SLC24A4: variants seen among roughly 807,000 people sequenced by gnomAD.
SLC24A4 encodes solute carrier family 24 member 4.
In SLC24A4, 53 loss-of-function variants were observed where a neutral mutation model predicts 79.0. The ratio of observed to expected loss-of-function variants is 0.67; its 90% confidence interval spans 0.54 to 0.84. The LOEUF is 0.84. SLC24A4 is among the 40% of genes least tolerant of loss of function. SLC24A4 has a pLI of 0.00. For missense variants in SLC24A4, 731 were observed against 822.0 expected, an observed-to-expected ratio of 0.89 and a Z score of 1.35; for synonymous variants, 323 against 323.8, an observed-to-expected ratio of 1.00 and a Z score of 0.03.
chr14:92,412,133 T>C (rs531326567), intron 2 of SLC24A4, among the ~76,000 whole-genome samples: 106 of 152,210 alleles, frequency 7.0e-4, no homozygotes, highest in African/African-American at 2.5e-3. Flanking sequence ...CTTTACCACT[T>C]TGGGGTTTGG....
chr14:92,362,225 C>CG (rs56811634), intron 2 of SLC24A4, among the ~76,000 whole-genome samples: 1 of 151,936 alleles, frequency 6.6e-6, no homozygotes, highest in Non-Finnish European at 1.5e-5. Flanking sequence ...GGTCCCTGTC[C>CG]CTGTCCAGCC....
At chr14:92,372,052 A>G (rs948676477) in intron 2 of SLC24A4, among the ~76,000 whole-genome samples, 1 of 152,198 alleles carries the variant, frequency 6.6e-6, no homozygotes, top group African/African-American at 2.4e-5. Context: ...TGGATGTGGG[A>G]TAGAGGGAAA....
At chr14:92,343,205 A>AGG (rs1886266740) in intron 2 of SLC24A4, among the ~76,000 whole-genome samples, 2 of 152,198 alleles carry the variant, frequency 1.3e-5, no homozygotes, top group Non-Finnish European at 2.9e-5. Context: ...AGCAGACCCA[A>AGG]TTCCCCATTG....
Position 92,323,844 on chromosome 14 carries a change from G to T in SLC24A4, c.14G>T (p.Gly5Val), listed in dbSNP as rs1884943615. ...AGGCGCTCCGGGATGGCGCTCCGCG[G>T]GACCCTCCGGCCGCTCAAAGTTCGC... MALR[G>V]TLRPLKVRRR... Residue 5 changes from glycine to valine, a missense_variant, in exon 1 of 17, where the codon GGG becomes GTG. Transcript: ENST00000532405. This position sits in a 1 kb window ranked among gnomAD's most constrained non-coding sequence, Gnocchi z 4.9. 6.3e-7 allele frequency: 1 copy of T among 1,583,764 alleles called. No individual in the cohort carries two copies. Among genetic ancestry groups the T allele is most frequent in the Non-Finnish European group, 8.5e-7 (1 of 1,172,182 alleles).
intron 2 of SLC24A4, among the ~76,000 whole-genome samples, chr14:92,414,290 G>A (rs1216471962): frequency 3.3e-5 from 5 of 152,162 alleles, no homozygotes; most frequent in African/African-American, 1.2e-4. Flanking sequence ...AACCAAAAAT[G>A]TCACCAGTGT....
chr14:92,341,035 C>T (rs533354522), intron 2 of SLC24A4, among the ~76,000 whole-genome samples: 4 of 152,182 alleles, frequency 2.6e-5, no homozygotes, highest in Middle Eastern at 3.2e-3. Context: ...TGTCTCTCTG[C>T]GCCTCCTCAG....
chr14:92,453,739 G>A, intron 10 of SLC24A4, 161 bp from the exon 11 acceptor site: 1 of 646,246 alleles, frequency 1.5e-6, no homozygotes, highest in Non-Finnish European at 2.5e-6. Context: ...CACTTTGCCT[G>A]ACATGAGGAG....
intron 6 of SLC24A4, 59 bp downstream of exon 6, chr14:92,442,875 T>G (rs918427234): frequency 7.2e-7 from 1 of 1,394,526 alleles, no homozygotes; most frequent in African/African-American, 1.4e-5. Flanking sequence ...GGGATGAGCC[T>G]CTAATGACAA....
Position 92,458,916 on chromosome 14 carries a change from A to G in SLC24A4, c.1255+2308A>G, listed in dbSNP as rs796783911. The stretch of plus-strand genomic sequence containing the variant: ...GAGATGCAACCACAGTCCAGGAAAC[A>G]GCCGAGCTTATGAGGGGTGGGGCGA... On this transcript the variant is annotated intron_variant, in intron 12 of 16. Transcript: ENST00000532405. Among the ~76,000 whole-genome samples, 20 of 152,274 alleles carry G rather than the reference A, an allele frequency of 1.3e-4. No homozygotes were observed. The East Asian group carries it at 3.7e-3, about 28-fold the overall frequency.
At chr14:92,387,863 A>G (rs1016462264) in intron 2 of SLC24A4, among the ~76,000 whole-genome samples, 4 of 152,244 alleles carry the variant, frequency 2.6e-5, no homozygotes, top group Non-Finnish European at 5.9e-5. Flanking sequence ...CCCATGTTGT[A>G]GCCTGTGTTA....
Position 92,456,534 on chromosome 14 carries a change from A to G in SLC24A4, c.1181A>G (p.Gln394Arg). The change falls in exon 12 of 17, where the codon CAG (glutamine) becomes CGG (arginine). Residue 394 changes from glutamine to arginine, a missense_variant. Physicochemically the swap from Gln to Arg is conservative, Grantham distance 43 (BLOSUM62 1). Transcript: ENST00000532405. Reference sequence around the variant, plus strand: ...GACCCTCAGCAGAATCAGGAGCAGCAGCCGCCGCCACAGCCACCACCGCCA... The same window carrying G: ...GACCCTCAGCAGAATCAGGAGCAGCGGCCGCCGCCACAGCCACCACCGCCA... Reference protein sequence around the residue: ...PEDPQQNQEQQPPPQPPPPEP... With the variant: ...PEDPQQNQEQRPPPQPPPPEP... 6.2e-7 allele frequency: 1 copy of G among 1,613,482 alleles called. No individual in the cohort carries two copies. Among genetic ancestry groups the G allele is most frequent in the East Asian group, 2.2e-5 (1 of 44,872 alleles).
At chr14:92,345,999 T>C (rs1161876214) in intron 2 of SLC24A4, among the ~76,000 whole-genome samples, 1 of 151,650 alleles carries the variant, frequency 6.6e-6, no homozygotes, top group African/African-American at 2.4e-5. Flanking sequence ...AAATCAGGTG[T>C]TTGGGGAGGT....
At chr14:92,337,594 C>T (rs1025647853) in intron 2 of SLC24A4, among the ~76,000 whole-genome samples, 4 of 152,198 alleles carry the variant, frequency 2.6e-5, no homozygotes, top group African/African-American at 9.7e-5. Flanking sequence ...AATCCTGCTC[C>T]TGCCCTTGCT....
intron 12 of SLC24A4, among the ~76,000 whole-genome samples, chr14:92,473,326 A>G (rs1171563452): frequency 6.6e-6 from 1 of 152,216 alleles, no homozygotes; most frequent in Non-Finnish European, 1.5e-5. Flanking sequence ...GGTTTTGAGA[A>G]CAACTGGTTT....
chr14:92,435,793 C>G lies in SLC24A4; in HGVS notation c.318+1805C>G, dbSNP rs1020144315. ...TTGTTGGCACATTTTGAACGACAGA[C>G]CTGTTTATTATTTCTATAACAGAGT... On this transcript the variant is annotated intron_variant, in intron 3 of 16. Transcript: ENST00000532405. 2.0e-5 allele frequency among the ~76,000 whole-genome samples: 3 copies of G among 152,266 alleles called. No homozygotes were observed. The East Asian group carries it at 5.8e-4, about 29-fold the overall frequency.
intron 2 of SLC24A4, among the ~76,000 whole-genome samples, chr14:92,340,862 C>G (rs1886102311): frequency 1.3e-5 from 2 of 152,100 alleles, no homozygotes; most frequent in African/African-American, 4.8e-5. Context: ...ACCGAGGCCC[C>G]AGAGCAGATG....
chr14:92,339,216 T>G (rs1463009581), intron 2 of SLC24A4, among the ~76,000 whole-genome samples: 1 of 152,174 alleles, frequency 6.6e-6, no homozygotes, highest in East Asian at 1.9e-4. Flanking sequence ...TCCACAACAC[T>G]AACCTGTAAG....
intron 2 of SLC24A4, among the ~76,000 whole-genome samples, chr14:92,392,839 T>C (rs542140685): frequency 1.3e-5 from 2 of 152,312 alleles, no homozygotes; most frequent in South Asian, 4.1e-4. Context: ...TCTTCCTCTG[T>C]GTGAGGTCAC....
intron 12 of SLC24A4, among the ~76,000 whole-genome samples, chr14:92,481,905 T>C (rs888421169): frequency 2.6e-5 from 4 of 152,224 alleles, no homozygotes; most frequent in Admixed American, 6.5e-5. Flanking sequence ...AGTGGCTTAT[T>C]AAGGAAACTA....
Sources: allele counts gnomAD v4.1 joint callset (sites outside exome capture counted in the v4.1 genomes callset), GRCh38; gene constraint gnomAD v4.1.1; non-coding constraint Gnocchi (gnomAD v3.1); transcripts MANE v1.5; gene names NCBI Gene and HGNC (gene_info 2026-07-23, HGNC 2026-07-21).